BZW1: variants seen among roughly 807,000 people sequenced by gnomAD.
BZW1 encodes eIF5-mimic protein 2.
BZW1 carries 3 observed loss-of-function variants against 54.1 expected under a neutral mutation model. The observed-to-expected ratio is 0.06, with a 90% confidence interval of 0.03 to 0.14. The LOEUF is 0.14. Ranked by LOEUF, BZW1 falls within the 10% of genes least tolerant of loss-of-function variation. BZW1 has a pLI of 1.00. For synonymous variants in BZW1, 152 were observed against 162.7 expected (o/e 0.93, Z 0.50); for missense variants, 206 against 491.7 (o/e 0.42, Z 5.50).
At chr2:200,816,143 T>C (rs918015997) in intron 4 of BZW1, among the ~76,000 whole-genome samples, 182 bp from the exon 5 acceptor site, 3 of 152,232 alleles carry the variant, frequency 2.0e-5, no homozygotes, top group Non-Finnish European at 4.4e-5. Flanking sequence ...CATACGTAGT[T>C]ATGTTTGTGT....
At chr2:200,816,584 C>T (rs142375703) in intron 5 of BZW1, among the ~76,000 whole-genome samples, 194 bp downstream of exon 5, 344 of 152,226 alleles carry the variant, frequency 2.3e-3, no homozygotes, top group African/African-American at 7.9e-3. Context: ...CTTTGCCTCC[C>T]GGGTTCAAGC....
At position 200,818,946 on chromosome 2, in the gene BZW1, G is replaced by C. The variant is rs537206443; in HGVS notation, c.966+45G>C. 7 of 1,505,766 alleles carry C rather than the reference G, an allele frequency of 4.6e-6. No individual in the cohort carries two copies. The South Asian group carries it at 9.4e-5, about 20-fold the overall frequency. The allele number at this position is 1,505,766 out of a possible 1,614,324, so 93.3% of individuals were successfully genotyped here. ...ACAAAACAAACTATTCTGCTTTCAC[G>C]TGGTGATAAGTGAACTGTGACTATA... On this transcript the variant is annotated intron_variant, in intron 9 of 11. Coordinates refer to ENST00000409600, the MANE Select transcript of BZW1 (RefSeq NM_001207067.2).
Position 200,824,452 on chromosome 2 carries a change from C to T in BZW1, c.*2274C>T, listed in dbSNP as rs550942624. The T allele has an allele frequency of 6.6e-6, 1 of 151,782 alleles. No individual in the cohort carries two copies. Among genetic ancestry groups the T allele is most frequent in the South Asian group, 2.1e-4 (1 of 4,810 alleles). 9.4% of individuals were successfully genotyped at this position (151,782 alleles called of 1,614,324 possible). ...AGTTTTTAGAGCTGGTTGTAAGTTTCTTAGCCTTACTCTGTGAGTTATAGA... is the reference window on the plus strand; with the variant it reads ...AGTTTTTAGAGCTGGTTGTAAGTTTTTTAGCCTTACTCTGTGAGTTATAGA... On this transcript the variant is annotated 3_prime_UTR_variant, in exon 12 of 12. Coordinates refer to ENST00000409600, the MANE Select transcript of BZW1 (RefSeq NM_001207067.2).
chr2:200,815,841 T>G (rs2038268004), intron 4 of BZW1, 80 bp downstream of exon 4: 2 of 1,305,856 alleles, frequency 1.5e-6, no homozygotes, highest in Non-Finnish European at 2.1e-6. Context: ...CTTTTAAGAG[T>G]TGTGGTTAGA....
chr2:200,818,531 T>C (rs1327056406), intron 8 of BZW1, 138 bp downstream of exon 8: 1 of 1,142,146 alleles, frequency 8.8e-7, no homozygotes, highest in Non-Finnish European at 1.2e-6. Flanking sequence ...GCCTCATTCT[T>C]TTGCATATGC....
intron 2 of BZW1, among the ~76,000 whole-genome samples, chr2:200,814,395 A>G (rs2038212984): frequency 6.6e-6 from 1 of 152,194 alleles, no homozygotes; most frequent in Non-Finnish European, 1.5e-5. Flanking sequence ...TCCAGACACA[A>G]GACTTTCAGT....
intron 1 of BZW1, chr2:200,812,472 G>C: frequency 7.5e-7 from 1 of 1,333,270 alleles, no homozygotes; most frequent in African/African-American, 1.5e-5. Flanking sequence ...TCGTTGCGGC[G>C]GCCGCCACCG....
At chr2:200,817,025 T>A in intron 5 of BZW1, 81 bp from the exon 6 acceptor site, 1 of 1,494,650 alleles carries the variant, frequency 6.7e-7, no homozygotes, top group Non-Finnish European at 9.1e-7. Context: ...ATTGAACAGG[T>A]AGCCAGTATA....
chr2:200,821,648 C>T (rs920529843), intron 11 of BZW1, among the ~76,000 whole-genome samples: 2 of 152,038 alleles, frequency 1.3e-5, no homozygotes, highest in African/African-American at 4.8e-5. Flanking sequence ...ACCTTCCTGC[C>T]TCAGCCTCAC....
At chr2:200,820,460 G>A (rs533329522) in intron 10 of BZW1, among the ~76,000 whole-genome samples, 127 of 152,228 alleles carry the variant, frequency 8.3e-4, no homozygotes, top group African/African-American at 2.9e-3. Context: ...CTGGAGGATC[G>A]CTTGAGCCCA....
intron 8 of BZW1, 94 bp from the exon 9 acceptor site, chr2:200,818,661 A>T: frequency 2.2e-6 from 3 of 1,370,182 alleles, no homozygotes; most frequent in Non-Finnish European, 3.0e-6. Context: ...ATGGAAAAGG[A>T]GTTGTTAGTT....
chr2:200,812,552 G>A (rs1268886906), intron 1 of BZW1: 2 of 1,411,370 alleles, frequency 1.4e-6, no homozygotes, highest in Non-Finnish European at 1.8e-6. Context: ...ATGGGGTCCT[G>A]GGCGGGAAGC....
intron 1 of BZW1, chr2:200,812,941 G>T: frequency 3.0e-6 from 2 of 672,498 alleles, no homozygotes; most frequent in Non-Finnish European, 5.6e-6. Context: ...TTTATGACGG[G>T]TGATCACTGT....
At chr2:200,814,286 C>T (rs1307599347) in intron 2 of BZW1, among the ~76,000 whole-genome samples, 1 of 152,206 alleles carries the variant, frequency 6.6e-6, no homozygotes, top group Admixed American at 6.5e-5. Flanking sequence ...AGAGATGTAA[C>T]TTCCCCGGTT....
upstream of BZW1, chr2:200,811,672 G>C (rs949176445): frequency 3.3e-4 from 50 of 152,516 alleles, no homozygotes; most frequent in African/African-American, 1.2e-3. Context: ...GGACGACGCA[G>C]CGGGGGAAGA....
rs1395112658 is a variant in BZW1, at chr2:200,824,002, A to C, written c.*1824A>C. The C allele has an allele frequency of 6.6e-6, 1 of 152,192 alleles. No homozygotes were observed. The allele number at this position is 152,192 out of a possible 1,614,324, so 9.4% of individuals were successfully genotyped here. A position where few individuals can be genotyped will look rare whatever the true frequency, so the allele number is the denominator to read the frequency against. ...AGAATTCTGGTGTAGCTAAAACTAC[A>C]TTAATATTTCTACAACCAATTCATT... On this transcript the variant is annotated 3_prime_UTR_variant, in exon 12 of 12. Transcript: ENST00000409600.
intron 4 of BZW1, among the ~76,000 whole-genome samples, 188 bp from the exon 5 acceptor site, chr2:200,816,137 C>T (rs1033709759): frequency 2.6e-5 from 4 of 152,146 alleles, no homozygotes; most frequent in Admixed American, 6.6e-5. Context: ...AAGTTTCATA[C>T]GTAGTTATGT....
intron 5 of BZW1, among the ~76,000 whole-genome samples, chr2:200,816,804 T>G (rs1463680652): frequency 1.3e-5 from 2 of 152,292 alleles, no homozygotes; most frequent in East Asian, 3.9e-4. Flanking sequence ...TGCATATAGA[T>G]GCCCAGAAAA....
rs765085447 is a variant in BZW1 at position 200,817,229 on chromosome 2, T to C, written c.526T>C (p.Leu176=). ...SILNSLYNEN[L]VKEGVSAAFA... ...TCTTAATAGCCTTTATAATGAAAAT[T>C]TGGTTAAAGAAGGTAATCAGCCTTA... is the stretch of plus-strand genomic sequence containing the variant. Residue 176 remains leucine (L), a synonymous_variant, in exon 6 of 12, where the codon TTG becomes CTG. Transcript: ENST00000409600. 204 of 1,613,162 alleles carry C rather than the reference T, an allele frequency of 1.3e-4. No individual in the cohort carries two copies. The highest frequency in any genetic ancestry group is 1.6e-4 in the Non-Finnish European group (193 of 1,179,848).
Sources: gnomAD v4.1 joint callset for allele counts (sites outside exome capture counted in the v4.1 genomes callset) on GRCh38, gnomAD v4.1.1 for gene constraint, MANE v1.5 for transcripts, NCBI Gene and HGNC (gene_info 2026-07-23, HGNC 2026-07-21) for gene names.